Variants in MPPED2 observed in about 807,000 individuals in gnomAD.
The protein encoded by MPPED2 is metallophosphoesterase MPPED2.
MPPED2 carries 5 observed loss-of-function variants against 33.0 expected under a neutral mutation model. That is an observed-to-expected ratio of 0.15 (90% CI 0.08 to 0.32). The LOEUF (loss-of-function observed/expected upper bound fraction) is 0.32, where lower values mean the gene tolerates loss of function less well. Ranked by LOEUF, MPPED2 falls within the 10% of genes least tolerant of loss-of-function variation. The probability of loss-of-function intolerance (pLI) is 1.00; values close to 1 mark genes in which losing one functional copy is unlikely to be tolerated. For missense variants in MPPED2, 275 were observed against 372.1 expected (o/e 0.74, Z 2.15); for synonymous variants, 136 against 141.9 (o/e 0.96, Z 0.29).
intron 1 of MPPED2, among the ~76,000 whole-genome samples, chr11:30,582,390 T>C (rs1412911848): frequency 6.6e-6 from 1 of 152,250 alleles, no homozygotes; most frequent in African/African-American, 2.4e-5. Flanking sequence ...TAGAGAGTGG[T>C]GTAAAAATTA....
downstream of MPPED2, among the ~76,000 whole-genome samples, chr11:30,408,070 C>T (rs779141969): frequency 1.3e-5 from 2 of 152,120 alleles, no homozygotes; most frequent in African/African-American, 2.4e-5. Flanking sequence ...CAACTTCCTC[C>T]TCCTCATCAC....
chr11:30,536,155 T>C lies in MPPED2; in HGVS notation c.149A>G (p.Asp50Gly), dbSNP rs1281158850. 2 of 1,608,546 alleles carry C rather than the reference T, an allele frequency of 1.2e-6. No homozygotes were observed. Among genetic ancestry groups the C allele is most frequent in the Non-Finnish European group, 1.7e-6 (2 of 1,177,926 alleles). The change falls in exon 3 of 7, where the codon GAC (aspartate) becomes GGC (glycine). Residue 50 changes from aspartate to glycine, a missense_variant. Asp to Gly is a moderately conservative substitution (Grantham distance 94, BLOSUM62 -1). Transcript: ENST00000358117. ...CGTGTGGCCCGCTGGTTTTGGAGTG[T>C]CATATGGGATGGGGTCGACCCTAAA... is the stretch of plus-strand genomic sequence containing the variant. ...HVHMVDPIPY[D>G]TPKPAGHTRF...
At chr11:30,482,228 T>G (rs993195527) in intron 4 of MPPED2, among the ~76,000 whole-genome samples, 8 of 152,190 alleles carry the variant, frequency 5.3e-5, no homozygotes, top group African/African-American at 1.9e-4. Context: ...TATCTTTCAG[T>G]TTTTGTTTTC....
intron 4 of MPPED2, among the ~76,000 whole-genome samples, chr11:30,468,427 T>C (rs1414971795): frequency 2.6e-5 from 4 of 152,192 alleles, no homozygotes; most frequent in Non-Finnish European, 5.9e-5. Flanking sequence ...GATATTCTAA[T>C]CTCATTTTCT....
chr11:30,462,567 G>T (rs1311527706), intron 4 of MPPED2, among the ~76,000 whole-genome samples: 2 of 152,136 alleles, frequency 1.3e-5, no homozygotes, highest in African/African-American at 4.8e-5. Flanking sequence ...TTTAAACAAT[G>T]ACTTCCTTTA....
At chr11:30,406,852 A>G (rs1187007148), downstream of MPPED2, among the ~76,000 whole-genome samples, 1 of 152,208 alleles carries the variant, frequency 6.6e-6, no homozygotes, top group Non-Finnish European at 1.5e-5. Flanking sequence ...CCTTAAAAGT[A>G]GATCTTAATT....
intron 4 of MPPED2, among the ~76,000 whole-genome samples, chr11:30,454,903 C>T (rs1390488031): frequency 1.3e-5 from 2 of 152,154 alleles, no homozygotes; most frequent in Admixed American, 1.3e-4. Context: ...ACTGTTAGGG[C>T]CTCTTTCAGG....
At chr11:30,544,563 T>C (rs1305653394) in intron 2 of MPPED2, among the ~76,000 whole-genome samples, 3 of 152,214 alleles carry the variant, frequency 2.0e-5, no homozygotes, top group Non-Finnish European at 4.4e-5. Context: ...AGCTGCTCTG[T>C]CATCTAGTCA....
intron 2 of MPPED2, among the ~76,000 whole-genome samples, chr11:30,566,902 G>A (rs1156230850): frequency 1.3e-5 from 2 of 152,138 alleles, no homozygotes; most frequent in African/African-American, 4.8e-5. Context: ...ACCTAATCCA[G>A]AGAGAAGGAC....
At chr11:30,487,508 G>C (rs1951792651) in intron 4 of MPPED2, among the ~76,000 whole-genome samples, 1 of 152,082 alleles carries the variant, frequency 6.6e-6, no homozygotes, top group African/African-American at 2.4e-5. Flanking sequence ...TGAGAGACAG[G>C]GTTTCCCTCT....
intron 6 of MPPED2, among the ~76,000 whole-genome samples, chr11:30,396,580 T>G (rs1238253765): frequency 6.6e-6 from 1 of 152,100 alleles, no homozygotes; most frequent in African/African-American, 2.4e-5. Context: ...AAAACCCAGG[T>G]TTACTTGCAA....
At chr11:30,409,302 C>T (rs1296552521), downstream of MPPED2, among the ~76,000 whole-genome samples, 1 of 152,154 alleles carries the variant, frequency 6.6e-6, no homozygotes, top group Non-Finnish European at 1.5e-5. Context: ...CCCTCTTCTA[C>T]TGATGTAGAA....
At chr11:30,479,619 T>A (rs900834336) in intron 4 of MPPED2, among the ~76,000 whole-genome samples, 5 of 149,058 alleles carry the variant, frequency 3.4e-5, no homozygotes, top group Non-Finnish European at 7.4e-5. Flanking sequence ...GATAGTGTAC[T>A]CCCAAAGACA....
chr11:30,499,877 G>A (rs1952477586), intron 3 of MPPED2, among the ~76,000 whole-genome samples: 1 of 152,010 alleles, frequency 6.6e-6, no homozygotes, highest in African/African-American at 2.4e-5. Context: ...TTTTGTTTTT[G>A]TAATGAACTA....
Position 30,414,386 on chromosome 11 carries a change from G to A in MPPED2, c.653-45C>T, listed in dbSNP as rs199849014. 2.3e-6 allele frequency: 3 copies of A among 1,277,284 alleles called. No individual in the cohort carries two copies. In the East Asian group the frequency reaches 6.9e-5, roughly 29 times the overall value. 79.1% of individuals were successfully genotyped at this position (1,277,284 alleles called of 1,614,324 possible). ...AATACACTTAATTTTCTTTCTTCAG[G>A]TAAGGTTTCATTTAGACTTTCAGGA... On this transcript the variant is annotated intron_variant, in intron 5 of 6. Coordinates refer to ENST00000358117, the MANE Select transcript of MPPED2 (RefSeq NM_001584.3).
chr11:30,537,020 A>G (rs1399618986), intron 2 of MPPED2, among the ~76,000 whole-genome samples: 1 of 152,216 alleles, frequency 6.6e-6, no homozygotes, highest in African/African-American at 2.4e-5. Flanking sequence ...ACACCAGGGC[A>G]TAAGAATCAA....
At chr11:30,478,027 T>C (rs1199431728) in intron 4 of MPPED2, among the ~76,000 whole-genome samples, 3 of 151,966 alleles carry the variant, frequency 2.0e-5, no homozygotes, top group South Asian at 4.2e-4. Flanking sequence ...CCCAAAAGAG[T>C]ATGGGCTGTC....
intron 4 of MPPED2, among the ~76,000 whole-genome samples, chr11:30,494,407 T>C (rs1952134023): frequency 6.6e-6 from 1 of 151,948 alleles, no homozygotes; most frequent in South Asian, 2.1e-4. Context: ...AATCAGAGGT[T>C]CCGCATCCAG....
intron 3 of MPPED2, among the ~76,000 whole-genome samples, chr11:30,531,069 A>G (rs1301201641): frequency 2.0e-5 from 3 of 152,202 alleles, no homozygotes; most frequent in African/African-American, 4.8e-5. Flanking sequence ...GTTATTAACT[A>G]TTAGGTGGCA....
Sources: allele counts gnomAD v4.1 joint callset (sites outside exome capture counted in the v4.1 genomes callset), GRCh38; gene constraint gnomAD v4.1.1; transcripts MANE v1.5; gene names NCBI Gene and HGNC (gene_info 2026-07-23, HGNC 2026-07-21).